The following PEPD variants were observed in gnomAD, a reference collection of about 807,000 sequenced individuals.
The protein encoded by PEPD is xaa-Pro dipeptidase.
PEPD carries 53 observed loss-of-function variants against 60.7 expected under a neutral mutation model. The observed-to-expected ratio is 0.87, with a 90% CI of 0.70 to 1.10. PEPD has a LOEUF of 1.10. Ranked by LOEUF, PEPD falls within the 50% of genes least tolerant of loss-of-function variation. PEPD has a pLI of 0.00. For synonymous variants in PEPD, 267 were observed against 284.1 expected (o/e 0.94, Z 0.60); for missense variants, 711 against 711.9 (o/e 1.00, Z 0.01).
chr19:33,415,388 C>T (rs1968869792), intron 9 of PEPD, among the ~76,000 whole-genome samples: 2 of 152,176 alleles, frequency 1.3e-5, no homozygotes, highest in Non-Finnish European at 2.9e-5. Flanking sequence ...AAAGGAGCGG[C>T]AGGCCGGGCG....
intron 4 of PEPD, among the ~76,000 whole-genome samples, chr19:33,500,690 G>C (rs1396504776): frequency 6.6e-6 from 1 of 152,158 alleles, no homozygotes; most frequent in Non-Finnish European, 1.5e-5. Flanking sequence ...CACAACCCAG[G>C]TCACCAGACA....
intron 1 of PEPD, among the ~76,000 whole-genome samples, chr19:33,519,394 T>C (rs1189824823): frequency 6.6e-6 from 1 of 152,246 alleles, no homozygotes; most frequent in Non-Finnish European, 1.5e-5. Flanking sequence ...GGACCCCCTC[T>C]GTCCCAGGCT....
chr19:33,512,818 A>G, intron 1 of PEPD, 42 bp from the exon 2 acceptor site: 1 of 1,601,152 alleles, frequency 6.2e-7, no homozygotes, highest in South Asian at 1.1e-5. Context: ...GGCCTCTGTT[A>G]GCATCTCCAA....
At chr19:33,409,106 C>T (rs1211935002) in intron 11 of PEPD, among the ~76,000 whole-genome samples, 4 of 152,210 alleles carry the variant, frequency 2.6e-5, no homozygotes, top group South Asian at 2.1e-4. Context: ...CCCGGAGGGC[C>T]GAGGCCACAG....
chr19:33,472,868 C>G (rs1970149387), intron 7 of PEPD, among the ~76,000 whole-genome samples: 1 of 152,224 alleles, frequency 6.6e-6, no homozygotes, highest in Admixed American at 6.5e-5. Context: ...CCCGCAACAA[C>G]TATCCCTCCC....
chr19:33,412,083 C>A (rs1055119542), intron 10 of PEPD, among the ~76,000 whole-genome samples: 2 of 152,234 alleles, frequency 1.3e-5, no homozygotes, highest in Non-Finnish European at 2.9e-5. Flanking sequence ...GTGGCTCACG[C>A]CTGTCATGCC....
intron 12 of PEPD, among the ~76,000 whole-genome samples, chr19:33,400,104 C>T (rs920130599): frequency 2.0e-5 from 3 of 152,196 alleles, no homozygotes; most frequent in African/African-American, 7.2e-5. Flanking sequence ...CCTGAGCTCC[C>T]CTACACAGGG....
intron 12 of PEPD, among the ~76,000 whole-genome samples, chr19:33,393,561 A>G (rs1308176334): frequency 1.0e-4 from 15 of 145,252 alleles, no homozygotes; most frequent in Middle Eastern, 3.5e-3. Context: ...GGTCAAACAA[A>G]CAAACAGCCA....
intron 7 of PEPD, among the ~76,000 whole-genome samples, chr19:33,472,967 G>C (rs1405343528): frequency 6.6e-6 from 1 of 152,162 alleles, no homozygotes. Flanking sequence ...ATATCCTCTG[G>C]GGAATCAATC....
chr19:33,511,265 G>T, intron 2 of PEPD, 110 bp from the exon 3 acceptor site: 2 of 1,094,574 alleles, frequency 1.8e-6, no homozygotes, highest in Non-Finnish European at 2.7e-6. Context: ...ACAGCCTCCT[G>T]TAACTGACCC....
At chr19:33,406,744 C>G (rs147195281) in intron 11 of PEPD, among the ~76,000 whole-genome samples, 1 of 152,184 alleles carries the variant, frequency 6.6e-6, no homozygotes, top group African/African-American at 2.4e-5. Context: ...GTAGGCTGGC[C>G]GCATCCCAGG....
intron 11 of PEPD, among the ~76,000 whole-genome samples, chr19:33,410,626 C>G (rs761293096): frequency 2.6e-5 from 4 of 152,182 alleles, no homozygotes; most frequent in Admixed American, 6.5e-5. Context: ...AAGGCGGAGG[C>G]AGCCCAGCTG....
At chr19:33,435,761 G>A (rs1335592320) in intron 9 of PEPD, among the ~76,000 whole-genome samples, 1 of 152,230 alleles carries the variant, frequency 6.6e-6, no homozygotes, top group Non-Finnish European at 1.5e-5. Context: ...ACCTCCCAGG[G>A]CCATGGGCAG....
intron 12 of PEPD, chr19:33,396,113 G>A (rs1968353109): frequency 6.6e-6 from 1 of 152,374 alleles, no homozygotes; most frequent in Non-Finnish European, 1.5e-5. Context: ...AGGAGGGGTG[G>A]ACATGGTGCC....
intron 9 of PEPD, among the ~76,000 whole-genome samples, chr19:33,437,087 A>G (rs1031200477): frequency 1.1e-4 from 16 of 152,134 alleles, no homozygotes; most frequent in African/African-American, 3.9e-4. Flanking sequence ...CGGGAGAAGC[A>G]AAACAAGTGG....
At chr19:33,498,016 A>T (rs1165812408) in intron 4 of PEPD, among the ~76,000 whole-genome samples, 1 of 151,950 alleles carries the variant, frequency 6.6e-6, no homozygotes, top group Non-Finnish European at 1.5e-5. Context: ...CATATCTATG[A>T]ACGGGGTGGG....
At chr19:33,506,734 CCA>C (rs1970820404) in intron 3 of PEPD, among the ~76,000 whole-genome samples, 1 of 147,304 alleles carries the variant, frequency 6.8e-6, no homozygotes, top group Non-Finnish European at 1.5e-5. Flanking sequence ...AACCTACATA[CCA>C]CACACCACAC....
intron 9 of PEPD, among the ~76,000 whole-genome samples, chr19:33,431,537 C>T (rs899591314): frequency 7.2e-5 from 11 of 152,328 alleles, no homozygotes; most frequent in African/African-American, 2.2e-4. Context: ...CACTTTCTAC[C>T]TCTCCTTTTT....
chr19:33,518,147 C>T (rs978655272), intron 1 of PEPD, among the ~76,000 whole-genome samples: 33 of 152,132 alleles, frequency 2.2e-4, no homozygotes, highest in African/African-American at 7.7e-4. Flanking sequence ...AGGGTTGCCA[C>T]GGCGGAACAG....
Sources: allele counts gnomAD v4.1 joint callset (sites outside exome capture counted in the v4.1 genomes callset), GRCh38; gene constraint gnomAD v4.1.1; transcripts MANE v1.5; gene names NCBI Gene and HGNC (gene_info 2026-07-23, HGNC 2026-07-21).